The following GRID2 variants were observed in gnomAD, a reference collection of about 807,000 sequenced individuals.
GRID2 encodes glutamate ionotropic receptor delta type subunit 2, also known as glutamate receptor ionotropic, delta-2.
In GRID2, 33 loss-of-function variants were observed where a neutral mutation model predicts 114.8. That is an observed-to-expected ratio of 0.29 (90% CI 0.22 to 0.38). The LOEUF (loss-of-function observed/expected upper bound fraction) is 0.38. Among genes scored for constraint, GRID2 ranks in the 10% least tolerant of loss-of-function variants. The probability of loss-of-function intolerance (pLI) is 1.00; values close to 1 mark genes in which losing one functional copy is unlikely to be tolerated. For synonymous variants in GRID2, 505 were observed against 449.9 expected, an observed-to-expected ratio of 1.12 and a Z score of -1.55; for missense variants, 1,184 against 1,257.7, an observed-to-expected ratio of 0.94 and a Z score of 0.89.
chr4:93,571,176 A>C lies in GRID2; in HGVS notation c.2194-55093A>C, dbSNP rs528616098. 3.3e-5 allele frequency among the ~76,000 whole-genome samples: 5 copies of C among 152,234 alleles called. No homozygotes were observed. In the South Asian group the frequency reaches 1.0e-3, roughly 32 times the overall value. Reference sequence around the variant, plus strand: ...CTAGTATGCTAAATAGAAATCAAATAGAGAAGGAATGTTTTGGGCAGATGG... The same window carrying C: ...CTAGTATGCTAAATAGAAATCAAATCGAGAAGGAATGTTTTGGGCAGATGG... On this transcript the variant is annotated intron_variant, in intron 13 of 15. Coordinates refer to ENST00000282020, the MANE Select transcript of GRID2 (RefSeq NM_001510.4).
chr4:92,630,917 T>C (rs781188551), intron 2 of GRID2, among the ~76,000 whole-genome samples: 6 of 151,788 alleles, frequency 4.0e-5, no homozygotes, highest in Admixed American at 1.3e-4. Context: ...AATTGTGAAC[T>C]AAAATAAATA....
chr4:93,319,803 C>T (rs1757031110), intron 8 of GRID2: 3 of 152,098 alleles, frequency 2.0e-5, no homozygotes, highest in Admixed American at 2.0e-4. Context: ...CTCAGTCCTA[C>T]AACTGAAAAT....
chr4:93,156,558 G>A (rs1737205319), intron 4 of GRID2, among the ~76,000 whole-genome samples: 2 of 151,702 alleles, frequency 1.3e-5, no homozygotes, highest in Admixed American at 1.3e-4. Flanking sequence ...TGGGGAGGGT[G>A]AAAGAGAGAA....
intron 2 of GRID2, among the ~76,000 whole-genome samples, chr4:92,881,174 A>C (rs1745984051): frequency 6.6e-6 from 1 of 152,182 alleles, no homozygotes; most frequent in South Asian, 2.1e-4. Context: ...CAGTGCGGGG[A>C]TTACAGGCGT....
chr4:92,860,282 C>T (rs770310708), intron 2 of GRID2, among the ~76,000 whole-genome samples: 1 of 152,044 alleles, frequency 6.6e-6, no homozygotes, highest in African/African-American at 2.4e-5. Context: ...TGAGGGCCAG[C>T]ACCGGTCAGC....
rs867023018 is a variant in GRID2 at position 92,748,632 on chromosome 4, G to T, written c.244+158346G>T. Among the ~76,000 whole-genome samples, 1,153 of 137,764 alleles carry T rather than the reference G, an allele frequency of 8.4e-3. 20 individuals are homozygous for T. Among genetic ancestry groups the T allele is most frequent in the African/African-American group, 0.03 (1,099 of 37,158 alleles). The allele number at this position is 137,764 out of a possible 152,430, so 90.4% of individuals were successfully genotyped here. Reference sequence around the variant, plus strand: ...TCGATTTGTACCATTTAATTAAATTGTATTATTATTATTATTATTATTATT... The same window carrying T: ...TCGATTTGTACCATTTAATTAAATTTTATTATTATTATTATTATTATTATT... On this transcript the variant is annotated intron_variant, in intron 2 of 15. Coordinates refer to ENST00000282020, the MANE Select transcript of GRID2 (RefSeq NM_001510.4).
intron 1 of GRID2, among the ~76,000 whole-genome samples, chr4:92,327,043 C>T (rs1429731861): frequency 2.6e-5 from 4 of 151,966 alleles, no homozygotes; most frequent in Non-Finnish European, 5.9e-5. Flanking sequence ...GTGTTTGGCA[C>T]CTCTTTGCTG....
chr4:93,734,652 A>G (rs577997857), intron 14 of GRID2, among the ~76,000 whole-genome samples: 6 of 152,030 alleles, frequency 3.9e-5, no homozygotes, highest in Non-Finnish European at 5.9e-5. Flanking sequence ...GACAGCCCAG[A>G]CAACAGACTG....
intron 1 of GRID2, among the ~76,000 whole-genome samples, chr4:92,307,970 T>C (rs1725496485): frequency 6.6e-6 from 1 of 152,214 alleles, no homozygotes; most frequent in Non-Finnish European, 1.5e-5. Context: ...ATCTGCATGC[T>C]GTAGGAAGAA....
intron 2 of GRID2, among the ~76,000 whole-genome samples, chr4:92,617,700 A>G (rs908268205): frequency 6.6e-6 from 1 of 151,690 alleles, no homozygotes; most frequent in African/African-American, 2.4e-5. Flanking sequence ...AATAGCCATT[A>G]AAACTACAGT....
chr4:93,771,873 T>A (rs183154029), intron 15 of GRID2, among the ~76,000 whole-genome samples: 2 of 152,308 alleles, frequency 1.3e-5, no homozygotes, highest in Admixed American at 1.3e-4. Flanking sequence ...AGAAAAATAT[T>A]TATTGTAGAT....
chr4:92,782,190 A>G (rs1301772637), intron 2 of GRID2, among the ~76,000 whole-genome samples: 1 of 152,096 alleles, frequency 6.6e-6, no homozygotes, highest in African/African-American at 2.4e-5. Context: ...TGTTATTTAT[A>G]TAAAACAATT....
At chr4:93,127,723 C>T (rs930055034) in intron 4 of GRID2, among the ~76,000 whole-genome samples, 5 of 151,846 alleles carry the variant, frequency 3.3e-5, no homozygotes, top group African/African-American at 1.2e-4. Context: ...CTAGGCTGGG[C>T]ATGGTGGCTC....
At chr4:92,470,011 AT>A (rs539413636) in intron 1 of GRID2, among the ~76,000 whole-genome samples, 6 of 152,038 alleles carry the variant, frequency 3.9e-5, no homozygotes, top group East Asian at 1.9e-4. Flanking sequence ...GACATGAAAT[AT>A]TTTTTGTATT....
intron 13 of GRID2, among the ~76,000 whole-genome samples, chr4:93,571,961 G>T (rs1432047212): frequency 1.3e-5 from 2 of 152,078 alleles, no homozygotes; most frequent in Non-Finnish European, 1.5e-5. Context: ...CGCAGAAAAG[G>T]TTTCATGATA....
At chr4:93,465,802 A>T (rs553022220) in intron 11 of GRID2, among the ~76,000 whole-genome samples, 4 of 152,378 alleles carry the variant, frequency 2.6e-5, no homozygotes, top group African/African-American at 7.2e-5. Context: ...GCTAATGAAA[A>T]TGTTTATAGT....
intron 4 of GRID2, among the ~76,000 whole-genome samples, chr4:93,149,848 C>A (rs539965782): frequency 6.6e-6 from 1 of 151,528 alleles, no homozygotes; most frequent in Admixed American, 6.6e-5. Flanking sequence ...TTGACCAGGC[C>A]GGTCTTGAAC....
chr4:92,774,660 A>G (rs1434782), intron 2 of GRID2, among the ~76,000 whole-genome samples: 43,491 of 147,398 alleles, frequency 0.3, 7,025 homozygotes, highest in Middle Eastern at 0.46. Flanking sequence ...CAGTGGTGCA[A>G]TCATGGCTCA....
intron 2 of GRID2, among the ~76,000 whole-genome samples, chr4:92,824,847 T>C (rs757431957): frequency 2.8e-4 from 42 of 152,266 alleles, no homozygotes; most frequent in Admixed American, 4.6e-4. Context: ...AGTGCTCCTT[T>C]GTAATTAATA....
Sources: allele counts gnomAD v4.1 joint callset (sites outside exome capture counted in the v4.1 genomes callset), GRCh38; gene constraint gnomAD v4.1.1; transcripts MANE v1.5; gene names NCBI Gene and HGNC (gene_info 2026-07-23, HGNC 2026-07-21).